Variants in TAOK3 observed in about 807,000 individuals in gnomAD.
TAOK3 encodes TAO kinase 3, also known as serine/threonine-protein kinase TAO3.
A neutral mutation model predicts 120.4 loss-of-function variants in TAOK3; 40 were observed. That is an observed-to-expected ratio of 0.33 (90% CI 0.26 to 0.43). TAOK3 has a LOEUF of 0.43. Among genes scored for constraint, TAOK3 ranks in the 20% least tolerant of loss-of-function variants. TAOK3 has a pLI of 1.00. For missense variants in TAOK3, 821 were observed against 1,112.1 expected, an observed-to-expected ratio of 0.74 and a Z score of 3.72; for synonymous variants, 355 against 387.5, an observed-to-expected ratio of 0.92 and a Z score of 0.99.
intron 1 of TAOK3, among the ~76,000 whole-genome samples, chr12:118,349,076 G>A (rs2045017453): frequency 6.6e-6 from 1 of 151,740 alleles, no homozygotes; most frequent in Non-Finnish European, 1.5e-5. Flanking sequence ...ATTTTTAGTA[G>A]AGTTGGGGTT....
chr12:118,189,529 GACACAGAC>G lies in TAOK3; in HGVS notation c.1329+270_1329+277del, dbSNP rs1358430917. Among the ~76,000 whole-genome samples, 217 of 83,324 alleles carry G rather than the reference GACACAGAC, an allele frequency of 2.6e-3. 1 individual carries two copies. The highest frequency in any genetic ancestry group is 9.6e-3 in the African/African-American group (208 of 21,732). 54.7% of individuals were successfully genotyped at this position (83,324 alleles called of 152,430 possible). ...CATACAGCATATACAAACACACACAGACACAGACACACACACACACACACACACACACA... is the reference window on the plus strand; with the variant it reads ...CATACAGCATATACAAACACACACAGACACACACACACACACACACACACA... On this transcript the variant is annotated intron_variant, in intron 14 of 20. Transcript: ENST00000392533.
At chr12:118,248,203 GAA>G (rs34130998) in intron 3 of TAOK3, among the ~76,000 whole-genome samples, 14 of 115,476 alleles carry the variant, frequency 1.2e-4, no homozygotes, top group East Asian at 2.9e-4. Flanking sequence ...ATGTCAAAAT[GAA>G]AAAAAAAAAA....
chr12:118,248,452 CATAA>C (rs1170644425), intron 3 of TAOK3, among the ~76,000 whole-genome samples: 10 of 151,884 alleles, frequency 6.6e-5, no homozygotes, highest in African/African-American at 2.2e-4. Context: ...ATATGGCAAT[CATAA>C]ATAAAAGCTG....
intron 9 of TAOK3, among the ~76,000 whole-genome samples, chr12:118,226,171 C>A (rs552599500): frequency 3.3e-5 from 5 of 152,174 alleles, no homozygotes; most frequent in African/African-American, 9.7e-5. Flanking sequence ...GTCAGGAGAT[C>A]GAGACCATCC....
intron 9 of TAOK3, among the ~76,000 whole-genome samples, chr12:118,219,029 T>A (rs2039086706): frequency 6.6e-6 from 1 of 152,164 alleles, no homozygotes; most frequent in Non-Finnish European, 1.5e-5. Context: ...TTCCCATCAT[T>A]CTTAGGCCAA....
At position 118,160,743 on chromosome 12, in the gene TAOK3, T is replaced by C. The variant is rs888442554; in HGVS notation, c.2140-385A>G. ...TCCATTGTTCATTGTTTTTCCCCCC[T>C]TTTTTTTTGTTTCTGTGTTTCACCC... On this transcript the variant is annotated intron_variant, in intron 18 of 20. Coordinates refer to ENST00000392533, the MANE Select transcript of TAOK3 (RefSeq NM_016281.4). The surrounding 1 kb of genome is among the most constrained non-coding windows in gnomAD (Gnocchi z 4.2). Among the ~76,000 whole-genome samples the C allele has an allele frequency of 2.7e-4, 41 of 151,228 alleles. No individual in the cohort carries two copies. The highest frequency in any genetic ancestry group is 8.3e-4 in the African/African-American group (34 of 41,206).
intron 2 of TAOK3, among the ~76,000 whole-genome samples, chr12:118,264,623 G>A (rs982157460): frequency 3.3e-5 from 5 of 152,148 alleles, no homozygotes; most frequent in African/African-American, 1.2e-4. Context: ...GAAGCTTTTT[G>A]GGAGTGATAG....
intron 9 of TAOK3, among the ~76,000 whole-genome samples, chr12:118,217,180 T>G (rs1358267689): frequency 6.6e-6 from 1 of 152,110 alleles, no homozygotes; most frequent in Non-Finnish European, 1.5e-5. Flanking sequence ...GGTGAAGTTA[T>G]AGAAAAGACA....
rs17619811 is a variant in TAOK3, at chr12:118,295,777, G to T, written c.-193-29018C>A. Among the ~76,000 whole-genome samples, 2,782 of 152,250 alleles carry T rather than the reference G, an allele frequency of 0.018. 113 individuals carry two copies. The East Asian group carries it at 0.19, about 10-fold the overall frequency. On this transcript the variant is annotated intron_variant, in intron 1 of 20. Coordinates refer to ENST00000392533, the MANE Select transcript of TAOK3 (RefSeq NM_016281.4). ...TGTTTGTCCATCTTTTAAAAAATCT[G>T]TGCCCATTTCTGATAAACATAAAAA...
At chr12:118,338,723 G>A (rs1279741198) in intron 1 of TAOK3, among the ~76,000 whole-genome samples, 1 of 145,280 alleles carries the variant, frequency 6.9e-6, no homozygotes, top group Admixed American at 7.2e-5. Context: ...GGAGGCAGAG[G>A]TTGCAGTGAG....
At chr12:118,333,834 T>TA (rs201739458) in intron 1 of TAOK3, among the ~76,000 whole-genome samples, 1,640 of 135,376 alleles carry the variant, frequency 0.012, 17 homozygotes, top group African/African-American at 0.033. Flanking sequence ...GGGTATTTTA[T>TA]AAAAAAAAAA....
intron 1 of TAOK3, among the ~76,000 whole-genome samples, chr12:118,361,578 C>A (rs1421378983): frequency 3.5e-5 from 5 of 142,518 alleles, no homozygotes; most frequent in African/African-American, 5.9e-5. Flanking sequence ...ATGCCTCAGC[C>A]TCCAGAGTAG....
chr12:118,317,106 T>C (rs2043495541), intron 1 of TAOK3, among the ~76,000 whole-genome samples: 1 of 151,756 alleles, frequency 6.6e-6, no homozygotes, highest in Non-Finnish European at 1.5e-5. Flanking sequence ...CTATTAAAAA[T>C]ACAAAAATTA....
rs560733497 is a variant in TAOK3, at chr12:118,278,210, G to A, written c.-193-11451C>T. Among the ~76,000 whole-genome samples the A allele has an allele frequency of 3.9e-5, 6 of 152,176 alleles. No homozygotes were observed. In the East Asian group the frequency reaches 1.2e-3, roughly 29 times the overall value. ...GTTTGTTATATAGGTACATTGCACA[G>A]GGGTTTGGTGTACAGATTATTTCAC... On this transcript the variant is annotated intron_variant, in intron 1 of 20. Coordinates refer to ENST00000392533, the MANE Select transcript of TAOK3 (RefSeq NM_016281.4).
intron 10 of TAOK3, among the ~76,000 whole-genome samples, chr12:118,213,672 A>G (rs1285166193): frequency 6.6e-6 from 1 of 152,120 alleles, no homozygotes; most frequent in Non-Finnish European, 1.5e-5. Context: ...AGGGCCCCTT[A>G]TCTCTGCTGA....
At chr12:118,308,596 G>C (rs17619835) in intron 1 of TAOK3, among the ~76,000 whole-genome samples, 1 of 152,042 alleles carries the variant, frequency 6.6e-6, no homozygotes, top group East Asian at 1.9e-4. Flanking sequence ...CAAGGGTGCT[G>C]CCCAAAAATG....
At chr12:118,254,883 G>A (rs867168694) in intron 3 of TAOK3, among the ~76,000 whole-genome samples, 1 of 151,860 alleles carries the variant, frequency 6.6e-6, no homozygotes, top group Non-Finnish European at 1.5e-5. Flanking sequence ...TCAGCCTCCC[G>A]AGCAGCTGGG....
At chr12:118,189,281 T>C (rs2037272305) in intron 14 of TAOK3, among the ~76,000 whole-genome samples, 1 of 152,172 alleles carries the variant, frequency 6.6e-6, no homozygotes, top group African/African-American at 2.4e-5. Flanking sequence ...TTATATACAT[T>C]ATCCAGCAAC....
At position 118,356,169 on chromosome 12, in the gene TAOK3, AAGG is replaced by A. The variant is rs1306714161; in HGVS notation, c.-194+16476_-194+16478del. On this transcript the variant is annotated intron_variant, in intron 1 of 20. Transcript: ENST00000392533. ...CTGAAAACATGGCATTCCATTCCTG[AAGG>A]AGAATGGGACACTACTATGCACTGG... is the stretch of plus-strand genomic sequence containing the variant. 2.6e-5 allele frequency among the ~76,000 whole-genome samples: 4 copies of A among 152,178 alleles called. No homozygotes were observed. In the East Asian group the frequency reaches 5.8e-4, roughly 22 times the overall value.
Sources: allele counts gnomAD v4.1 joint callset (sites outside exome capture counted in the v4.1 genomes callset), GRCh38; gene constraint gnomAD v4.1.1; non-coding constraint Gnocchi (gnomAD v3.1); transcripts MANE v1.5; gene names NCBI Gene and HGNC (gene_info 2026-07-23, HGNC 2026-07-21).